The following MLIP variants were observed in gnomAD, a reference collection of about 807,000 sequenced individuals.
The protein encoded by MLIP is muscular LMNA-interacting protein.
A neutral mutation model predicts 84.8 loss-of-function variants in MLIP; 79 were observed. The observed-to-expected ratio is 0.93, with a 90% CI of 0.78 to 1.12. The LOEUF is 1.12. Ranked by LOEUF, MLIP falls within the 50% of genes most tolerant of loss-of-function variation. The probability of loss-of-function intolerance (pLI) is 0.00; values close to 1 mark genes in which losing one functional copy is unlikely to be tolerated. For missense variants in MLIP, 1,257 were observed against 1,160.6 expected, an observed-to-expected ratio of 1.08 and a Z score of -1.21; for synonymous variants, 504 against 463.0, an observed-to-expected ratio of 1.09 and a Z score of -1.14.
At chr6:54,105,399 A>T (rs1261746397) in intron 1 of MLIP, among the ~76,000 whole-genome samples, 1 of 152,208 alleles carries the variant, frequency 6.6e-6, no homozygotes, top group Non-Finnish European at 1.5e-5. Flanking sequence ...TTCAAAGTTT[A>T]CCAAAATTGT....
intron 1 of MLIP, among the ~76,000 whole-genome samples, chr6:54,101,513 T>C (rs1214377107): frequency 6.6e-6 from 1 of 152,140 alleles, no homozygotes; most frequent in Non-Finnish European, 1.5e-5. Context: ...TTGAGTAAGT[T>C]ATATAGGATT....
At chr6:54,165,260 C>A in intron 8 of MLIP, among the ~76,000 whole-genome samples, 1 of 151,916 alleles carries the variant, frequency 6.6e-6, no homozygotes, top group East Asian at 2.0e-4. Context: ...CCTCTCCACC[C>A]TGGTGACCCT....
chr6:54,254,129 G>GTT (rs68110508), intron 12 of MLIP, among the ~76,000 whole-genome samples: 31 of 129,552 alleles, frequency 2.4e-4, no homozygotes, highest in South Asian at 7.6e-4. Flanking sequence ...TTTTTTTGCT[G>GTT]TTTTTTTTTT....
chr6:54,257,489 G>C, intron 13 of MLIP, 128 bp downstream of exon 13: 1 of 634,884 alleles, frequency 1.6e-6, no homozygotes, highest in Non-Finnish European at 2.7e-6. Flanking sequence ...ATTACTAACT[G>C]TTTCACTCTG....
intron 12 of MLIP, among the ~76,000 whole-genome samples, chr6:54,236,988 C>T (rs1022391487): frequency 3.9e-5 from 6 of 151,974 alleles, no homozygotes; most frequent in South Asian, 2.1e-4. Flanking sequence ...TTAGTATTCA[C>T]GAATTCCATG....
chr6:54,232,766 C>T (rs1325441308), intron 12 of MLIP, among the ~76,000 whole-genome samples: 4 of 152,288 alleles, frequency 2.6e-5, no homozygotes, highest in East Asian at 1.9e-4. Context: ...TTCTTCAATA[C>T]GCTAACATGA....
intron 12 of MLIP, among the ~76,000 whole-genome samples, chr6:54,233,043 A>C (rs917369077): frequency 1.3e-5 from 2 of 152,200 alleles, no homozygotes; most frequent in African/African-American, 4.8e-5. Flanking sequence ...TCAAGAGGGA[A>C]CTTTATAACT....
intron 9 of MLIP, among the ~76,000 whole-genome samples, chr6:54,188,009 T>C (rs1777563360): frequency 6.6e-6 from 1 of 152,046 alleles, no homozygotes; most frequent in Non-Finnish European, 1.5e-5. Context: ...CCGTCTCAAA[T>C]TAAAAAAATG....
chr6:54,237,931 C>T (rs1781478327), intron 12 of MLIP, among the ~76,000 whole-genome samples: 3 of 152,064 alleles, frequency 2.0e-5, no homozygotes, highest in African/African-American at 7.2e-5. Flanking sequence ...ATGTATATTG[C>T]TGAAACAAGA....
chr6:54,216,794 C>T lies in MLIP; in HGVS notation c.2719-13920C>T, dbSNP rs76593643. 2.6e-3 allele frequency: 2,574 copies of T among 985,146 alleles called. 108 individuals are homozygous for T. The East Asian group carries it at 0.1, about 39-fold the overall frequency. 61.0% of individuals were successfully genotyped at this position (985,146 alleles called of 1,614,324 possible). On this transcript the variant is annotated intron_variant, in intron 11 of 13. Transcript: ENST00000502396. Reference sequence around the variant, plus strand: ...TAAGCAAGAAGATATGCCATATAATCGAAACCAATTTATATTGGCTTTATC... The same window carrying T: ...TAAGCAAGAAGATATGCCATATAATTGAAACCAATTTATATTGGCTTTATC...
In MLIP at chr6:54,056,367, A is replaced by G. The variant is rs9474721; in HGVS notation, c.63+37276A>G. On this transcript the variant is annotated intron_variant, in intron 1 of 12. Transcript: ENST00000274897. ...AAAGGTCAAGCAGACCTTTGGGAGCAATTCATAAAGGCTTTTGCTAATCTG... is the reference window on the plus strand; with the variant it reads ...AAAGGTCAAGCAGACCTTTGGGAGCGATTCATAAAGGCTTTTGCTAATCTG... Among the ~76,000 whole-genome samples the G allele has an allele frequency of 1.4e-3, 217 of 152,310 alleles. 1 individual carries two copies. Among genetic ancestry groups the G allele is most frequent in the African/African-American group, 5.0e-3 (207 of 41,580 alleles).
Position 54,058,848 on chromosome 6 carries a change from A to G in MLIP, c.63+39757A>G, listed in dbSNP as rs201921872. ...ACAATTAGTTGGGGGTAGAAACCAAATATCTAGAGGAAGATAGAGAGAGAT... is the reference window on the plus strand; with the variant it reads ...ACAATTAGTTGGGGGTAGAAACCAAGTATCTAGAGGAAGATAGAGAGAGAT... On this transcript the variant is annotated intron_variant, in intron 1 of 12. Transcript: ENST00000274897. The G allele has an allele frequency of 5.3e-5, 8 of 152,312 alleles. No homozygotes were observed. In the East Asian group the frequency reaches 1.4e-3, roughly 26 times the overall value. 9.4% of individuals were successfully genotyped at this position (152,312 alleles called of 1,614,324 possible). A position where few individuals can be genotyped will look rare whatever the true frequency, so the allele number is the denominator to read the frequency against.
chr6:54,171,385 C>G (rs1255606081), intron 9 of MLIP, among the ~76,000 whole-genome samples: 1 of 151,550 alleles, frequency 6.6e-6, no homozygotes, highest in Non-Finnish European at 1.5e-5. Context: ...ATGTAAGAAG[C>G]TTTGTTTTCA....
At chr6:54,181,038 GTC>G (rs1225797989) in intron 9 of MLIP, among the ~76,000 whole-genome samples, 1 of 152,064 alleles carries the variant, frequency 6.6e-6, no homozygotes, top group Non-Finnish European at 1.5e-5. Flanking sequence ...GAGAAATGAA[GTC>G]TCTCTCTCTG....
rs1230721248 is a variant in MLIP, at chr6:54,202,165, G to A, written c.2650G>A (p.Glu884Lys). Residue 884 changes from glutamate to lysine, a missense_variant, in exon 11 of 14, where the codon GAG becomes AAG. Coordinates refer to ENST00000502396, the MANE Select transcript of MLIP (RefSeq NM_001281747.2). ...VKSRILLKKE[E>K]EVYEPNPFSK... ...ATCCAGAATATTACTGAAAAAAGAGGAGGAAGTCTATGAACCCAACCCTTT... is the reference window on the plus strand; with the variant it reads ...ATCCAGAATATTACTGAAAAAAGAGAAGGAAGTCTATGAACCCAACCCTTT... 6.2e-7 allele frequency: 1 copy of A among 1,602,942 alleles called. No homozygotes were observed. The highest frequency in any genetic ancestry group is 8.5e-7 in the Non-Finnish European group (1 of 1,173,652).
At chr6:54,148,301 T>C (rs970790479) in intron 4 of MLIP, among the ~76,000 whole-genome samples, 1 of 152,148 alleles carries the variant, frequency 6.6e-6, no homozygotes, top group African/African-American at 2.4e-5. Flanking sequence ...ATATTTATCC[T>C]GATTTCTACA....
intron 9 of MLIP, among the ~76,000 whole-genome samples, chr6:54,189,464 T>G (rs903736072): frequency 7.9e-5 from 12 of 152,184 alleles, no homozygotes; most frequent in Non-Finnish European, 1.3e-4. Context: ...AAATATCTGT[T>G]ATTTGTTTCA....
intron 1 of MLIP, among the ~76,000 whole-genome samples, chr6:54,038,281 T>TAAG (rs2150296526): frequency 6.6e-6 from 1 of 152,064 alleles, no homozygotes; most frequent in East Asian, 1.9e-4. Flanking sequence ...AAGAGATTTT[T>TAAG]AAGACTGGGA....
intron 1 of MLIP, among the ~76,000 whole-genome samples, chr6:54,105,656 G>GT (rs1768956155): frequency 6.6e-6 from 1 of 152,164 alleles, no homozygotes; most frequent in Non-Finnish European, 1.5e-5. Flanking sequence ...GCTAAGACGG[G>GT]TAGAGAGTGC....
Sources: gnomAD v4.1 joint callset for allele counts (sites outside exome capture counted in the v4.1 genomes callset) on GRCh38, gnomAD v4.1.1 for gene constraint, MANE v1.5 for transcripts, NCBI Gene and HGNC (gene_info 2026-07-23, HGNC 2026-07-21) for gene names.